ROBO2: variants seen among roughly 807,000 people sequenced by gnomAD.
ROBO2 encodes roundabout guidance receptor 2.
ROBO2 carries 53 observed loss-of-function variants against 160.8 expected under a neutral mutation model. The observed-to-expected ratio is 0.33, with a 90% CI of 0.26 to 0.41. ROBO2 has a LOEUF of 0.41. Among genes scored for constraint, ROBO2 ranks in the 10% least tolerant of loss-of-function variants. ROBO2 has a pLI of 1.00. For missense variants in ROBO2, 1,577 were observed against 1,722.4 expected (o/e 0.92, Z 1.49); for synonymous variants, 664 against 611.7 (o/e 1.09, Z -1.26).
intron 2 of ROBO2, among the ~76,000 whole-genome samples, chr3:76,917,357 T>C (rs2076385558): frequency 6.6e-6 from 1 of 152,190 alleles, no homozygotes. Flanking sequence ...GAAATTGCAA[T>C]ACCTGCAGGC....
intron 2 of ROBO2, among the ~76,000 whole-genome samples, chr3:76,310,699 C>T (rs1402821119): frequency 6.6e-6 from 1 of 152,204 alleles, no homozygotes; most frequent in African/African-American, 2.4e-5. Flanking sequence ...ATTAACTACC[C>T]TCTGTGCATA....
chr3:75,936,825 T>G (rs1178526714), intron 1 of ROBO2, among the ~76,000 whole-genome samples: 1 of 151,996 alleles, frequency 6.6e-6, no homozygotes, highest in Non-Finnish European at 1.5e-5. Flanking sequence ...AAATATACAT[T>G]GTCATATATA....
rs1292528458 is a variant in ROBO2, at chr3:77,210,253, GCATTTTAGCCTAGC to G, written c.388+111920_388+111933del. Among the ~76,000 whole-genome samples the G allele has an allele frequency of 4.5e-4, 69 of 151,696 alleles. 2 individuals are homozygous for G. Among genetic ancestry groups the G allele is most frequent in the Non-Finnish European group, 4.4e-5 (3 of 67,880 alleles). ...CAGAAAATGGCCTAAAAATTTGCAT[GCATTTTAGCCTAGC>G]CATTTTCTTCTAGTAATTATTCCTA... On this transcript the variant is annotated intron_variant, in intron 2 of 25. Coordinates refer to ENST00000461745, the Ensembl canonical transcript of ROBO2.
intron 2 of ROBO2, among the ~76,000 whole-genome samples, chr3:76,060,772 A>G (rs934883981): frequency 6.6e-6 from 1 of 152,192 alleles, no homozygotes; most frequent in African/African-American, 2.4e-5. Flanking sequence ...CTGCTATGTG[A>G]AAGATAATTA....
chr3:76,248,952 G>A (rs1705810158), intron 2 of ROBO2, among the ~76,000 whole-genome samples: 1 of 152,034 alleles, frequency 6.6e-6, no homozygotes, highest in Non-Finnish European at 1.5e-5. Flanking sequence ...TCATCAAAAT[G>A]TAAATTTTCT....
At chr3:77,010,925 C>T (rs1277358201) in intron 2 of ROBO2, among the ~76,000 whole-genome samples, 1 of 134,974 alleles carries the variant, frequency 7.4e-6, no homozygotes, top group Non-Finnish European at 1.6e-5. Flanking sequence ...TTCCTTCCTA[C>T]CCCCTTTCTT....
intron 2 of ROBO2, among the ~76,000 whole-genome samples, chr3:77,261,959 T>A (rs1315202933): frequency 6.6e-6 from 1 of 152,026 alleles, no homozygotes. Context: ...GTGAAGGAGA[T>A]AGGAGAAGGG....
chr3:77,594,220 T>C (rs2153686965), intron 17 of ROBO2, among the ~76,000 whole-genome samples: 1 of 152,356 alleles, frequency 6.6e-6, no homozygotes, highest in African/African-American at 2.4e-5. Flanking sequence ...TAACTTTGAA[T>C]ACAGTTTACT....
At chr3:76,584,146 A>G (rs2085878645) in intron 2 of ROBO2, among the ~76,000 whole-genome samples, 1 of 152,128 alleles carries the variant, frequency 6.6e-6, no homozygotes, top group Non-Finnish European at 1.5e-5. Context: ...TCACTCCCAG[A>G]AAACACATCA....
chr3:76,561,624 C>G (rs1301957799), intron 2 of ROBO2, among the ~76,000 whole-genome samples: 2 of 152,112 alleles, frequency 1.3e-5, no homozygotes, highest in Non-Finnish European at 2.9e-5. Flanking sequence ...GTGTGCTGAG[C>G]AAGTGGTAGG....
intron 2 of ROBO2, among the ~76,000 whole-genome samples, chr3:76,297,622 A>G (rs1709138641): frequency 6.7e-6 from 1 of 149,724 alleles, no homozygotes; most frequent in Admixed American, 6.7e-5. Context: ...GAAGAAAATA[A>G]TGTTTATAGC....
At chr3:76,084,788 A>G (rs60924105) in intron 2 of ROBO2, among the ~76,000 whole-genome samples, 3,852 of 152,202 alleles carry the variant, frequency 0.025, 160 homozygotes, top group African/African-American at 0.087. Flanking sequence ...TCACATTAAT[A>G]ATGGTCCTTG....
At chr3:77,286,318 G>A (rs9875505) in intron 2 of ROBO2, among the ~76,000 whole-genome samples, 20,351 of 147,050 alleles carry the variant, frequency 0.14, 1,671 homozygotes, top group East Asian at 0.36. Flanking sequence ...GTATATTGGC[G>A]TGATCTCTGC....
At chr3:75,928,983 G>A (rs1402007831) in intron 1 of ROBO2, among the ~76,000 whole-genome samples, 1 of 146,104 alleles carries the variant, frequency 6.8e-6, no homozygotes, top group African/African-American at 2.6e-5. Context: ...AGACGTACGT[G>A]TGTGTGTGTG....
chr3:76,201,315 G>A (rs1565950), intron 2 of ROBO2, among the ~76,000 whole-genome samples: 6,803 of 152,176 alleles, frequency 0.045, 407 homozygotes, highest in East Asian at 0.22. Context: ...TCATAACGTT[G>A]CCACTTCCAG....
chr3:77,386,894 C>A (rs1026259823), intron 2 of ROBO2, among the ~76,000 whole-genome samples: 1 of 151,740 alleles, frequency 6.6e-6, no homozygotes, highest in African/African-American at 2.4e-5. Context: ...TGAACCACTG[C>A]GCCCAGCCGA....
chr3:76,948,908 A>ATATATATATTTTT (rs1209284372), intron 2 of ROBO2, among the ~76,000 whole-genome samples: 1 of 24,970 alleles, frequency 4.0e-5, no homozygotes, highest in Admixed American at 7.0e-4. Flanking sequence ...ATATATATAT[A>ATATATATATTTTT]TTTTTTTTTT....
At chr3:76,272,913 AT>A (rs556285750) in intron 2 of ROBO2, among the ~76,000 whole-genome samples, 20,321 of 47,966 alleles carry the variant, frequency 0.42, 6,361 homozygotes, top group Non-Finnish European at 0.59. Flanking sequence ...ATATTTATAT[AT>A]AAAATATATA....
chr3:77,214,931 G>A (rs970984853), intron 2 of ROBO2, among the ~76,000 whole-genome samples: 1 of 151,328 alleles, frequency 6.6e-6, no homozygotes, highest in Non-Finnish European at 1.5e-5. Context: ...GGCTTGTAGA[G>A]TGTCTGCCGA....
Sources: gnomAD v4.1 joint callset for allele counts (sites outside exome capture counted in the v4.1 genomes callset) on GRCh38, gnomAD v4.1.1 for gene constraint, MANE v1.5 for transcripts, NCBI Gene and HGNC (gene_info 2026-07-23, HGNC 2026-07-21) for gene names.